TRPC5: variants seen among roughly 807,000 people sequenced by gnomAD.
TRPC5 encodes transient receptor potential cation channel subfamily C member 5, also known as short transient receptor potential channel 5.
Under a neutral mutation model 56.5 loss-of-function variants are expected in TRPC5, and 9 were observed. The ratio of observed to expected loss-of-function variants is 0.16; its 90% CI spans 0.10 to 0.28. TRPC5 has a LOEUF of 0.28. Among genes scored for constraint, TRPC5 ranks in the 10% least tolerant of loss-of-function variants. The pLI is 1.00. For synonymous variants in TRPC5, 282 were observed against 278.5 expected (o/e 1.01, Z -0.13); for missense variants, 469 against 748.9 (o/e 0.63, Z 4.36).
chrX:111,866,722 T>G (rs900572637), intron 3 of TRPC5, among the ~76,000 whole-genome samples: 1 of 112,285 alleles, frequency 8.9e-6, no homozygotes, highest in Non-Finnish European at 1.9e-5. Context: ...TTGATTTCAC[T>G]GCAGCAGAGT....
intron 2 of TRPC5, among the ~76,000 whole-genome samples, chrX:111,940,914 G>A (rs758034469): frequency 1.8e-5 from 2 of 111,176 alleles, no homozygotes; most frequent in East Asian, 5.7e-4. Flanking sequence ...ACTGGTCCTG[G>A]TGGGTTTACA....
chrX:112,032,507 A>G (rs1261419991), intron 1 of TRPC5, among the ~76,000 whole-genome samples: 1 of 112,480 alleles, frequency 8.9e-6, no homozygotes, highest in African/African-American at 3.2e-5. Context: ...GACTTTGTTT[A>G]TCCATACATA....
intron 1 of TRPC5, among the ~76,000 whole-genome samples, chrX:112,028,499 C>T (rs1261168612): frequency 9.0e-6 from 1 of 111,390 alleles, no homozygotes; most frequent in African/African-American, 3.3e-5. Context: ...TTGTTCAACT[C>T]CCACCTGTGA....
Position 111,769,232 on chromosome X carries a change from A to G in TRPC5, c.*7081T>C, listed in dbSNP as rs138251381. On this transcript the variant is annotated 3_prime_UTR_variant, in exon 11 of 11. Coordinates refer to ENST00000262839, the MANE Select transcript of TRPC5 (RefSeq NM_012471.3). ...GTCACCAGAGCCTCTGTGCTATACA[A>G]TGTCATTTCTTAAGGATCAAATAAG... Among the ~76,000 whole-genome samples, 1,606 of 111,567 alleles carry G rather than the reference A, an allele frequency of 0.014. 13 individuals carry two copies. Among genetic ancestry groups the G allele is most frequent in the Non-Finnish European group, 0.021 (1,094 of 53,013 alleles).
At chrX:111,970,002 C>T (rs984281724) in intron 1 of TRPC5, among the ~76,000 whole-genome samples, 1 of 110,536 alleles carries the variant, frequency 9.0e-6, no homozygotes, top group Non-Finnish European at 1.9e-5. Context: ...ATGGAGAAGA[C>T]GAGAATTTTA....
chrX:111,924,899 T>C (rs1488695997), intron 2 of TRPC5, among the ~76,000 whole-genome samples: 1 of 112,220 alleles, frequency 8.9e-6, no homozygotes, highest in Non-Finnish European at 1.9e-5. Flanking sequence ...GAAATAAACA[T>C]TAAAGGGTCC....
At chrX:112,020,063 G>C (rs1200139553) in intron 1 of TRPC5, among the ~76,000 whole-genome samples, 1 of 111,500 alleles carries the variant, frequency 9.0e-6, no homozygotes, top group Non-Finnish European at 1.9e-5. Flanking sequence ...GAATATACTA[G>C]GTTTTTCTCT....
chrX:111,904,626 C>T (rs1403500212), intron 3 of TRPC5, among the ~76,000 whole-genome samples: 3 of 110,349 alleles, frequency 2.7e-5, no homozygotes, highest in Non-Finnish European at 5.7e-5. Flanking sequence ...CACGCTGGGG[C>T]CTGTTGGGGG....
chrX:111,806,791 A>G (rs1012830195), intron 7 of TRPC5, among the ~76,000 whole-genome samples: 3 of 109,974 alleles, frequency 2.7e-5, no homozygotes, highest in Non-Finnish European at 5.7e-5. Context: ...TTTATCTGGG[A>G]CAATCTTTAC....
At chrX:112,038,891 C>T (rs377671260) in intron 1 of TRPC5, among the ~76,000 whole-genome samples, 2 of 104,691 alleles carry the variant, frequency 1.9e-5, no homozygotes, top group African/African-American at 3.5e-5. Context: ...GGAGTTTCAC[C>T]GTGTTAGCCA....
intron 1 of TRPC5, among the ~76,000 whole-genome samples, chrX:112,026,928 A>G (rs766191494): frequency 3.0e-4 from 33 of 109,011 alleles, no homozygotes; most frequent in Non-Finnish European, 3.8e-4. Flanking sequence ...AAGAAGAAGA[A>G]AAAGAAAGAA....
intron 1 of TRPC5, among the ~76,000 whole-genome samples, chrX:112,072,131 G>A (rs1262674618): frequency 8.9e-6 from 1 of 111,915 alleles, no homozygotes; most frequent in Non-Finnish European, 1.9e-5. Flanking sequence ...GTATGGTAAC[G>A]AGGAGCACGA....
In TRPC5 at chrX:111,952,318, C is replaced by G; in HGVS notation, c.103G>C (p.Ala35Pro). ...CCCTTCTCCACAGCATTGAGGAAGG[C>G]CTTCTCCTCTGCAGAGAGCTCTGTC... The part of the protein sequence containing the change: ...AETELSAEEK[A>P]FLNAVEKGDY... Residue 35 changes from alanine to proline, a missense_variant, in exon 2 of 11, where the codon GCC becomes CCC. Around this residue, in one of 3 missense-constraint regions of TRPC5, gnomAD observed 118 missense variants for 167.1 expected, o/e 0.71. Transcript: ENST00000262839. 8.3e-7 allele frequency: 1 copy of G among 1,212,086 alleles called. No homozygotes were observed.
intron 3 of TRPC5, among the ~76,000 whole-genome samples, 163 bp downstream of exon 3, chrX:111,912,128 A>G (rs1469442674): frequency 3.6e-5 from 4 of 111,965 alleles, no homozygotes; most frequent in Non-Finnish European, 7.5e-5. Flanking sequence ...AAGAAAATAC[A>G]AAAAGGTTGT....
At position 112,016,378 on chromosome X, in the gene TRPC5, TG is replaced by T. The variant is rs758362149; in HGVS notation, c.-21-63938del. Among the ~76,000 whole-genome samples the T allele has an allele frequency of 1.0e-2, 1,102 of 110,531 alleles. 14 individuals carry two copies. The highest frequency in any genetic ancestry group is 0.034 in the African/African-American group (1,019 of 30,362). On this transcript the variant is annotated intron_variant, in intron 1 of 10. Transcript: ENST00000262839. ...AGGTTGGAGTGTGTGTGTGTGTGTG[TG>T]TGTGTGTGTATCTCAAGGAGAGACT...
chrX:111,824,005 C>T (rs1185765122), intron 7 of TRPC5, among the ~76,000 whole-genome samples: 2 of 110,361 alleles, frequency 1.8e-5, no homozygotes, highest in African/African-American at 3.3e-5. Flanking sequence ...ATGGGGAGGT[C>T]GGATCGCTTG....
chrX:112,052,467 AT>A (rs778407068), intron 1 of TRPC5, among the ~76,000 whole-genome samples: 28 of 110,806 alleles, frequency 2.5e-4, no homozygotes, highest in African/African-American at 8.5e-4. Flanking sequence ...TTTAAAATTG[AT>A]TTTTTTGGGG....
chrX:111,972,532 T>G (rs1261745554), intron 1 of TRPC5, among the ~76,000 whole-genome samples: 1 of 112,263 alleles, frequency 8.9e-6, no homozygotes, highest in Non-Finnish European at 1.9e-5. Context: ...GTCAGCATTG[T>G]TCTGCCCCTG....
rs766016394 is a variant in TRPC5, at chrX:112,050,537, C to T, written c.-22+31342G>A. Among the ~76,000 whole-genome samples, 5 of 112,287 alleles carry T rather than the reference C, an allele frequency of 4.5e-5. 1 individual carries two copies. In the Admixed American group the frequency reaches 4.7e-4, roughly 11 times the overall value. On this transcript the variant is annotated intron_variant, in intron 1 of 10. Transcript: ENST00000262839. Reference sequence around the variant, plus strand: ...CTTGTGCACATCTTGCTAACCTACTCTTCAGTAAGAAAATCATTGGAGTCA... The same window carrying T: ...CTTGTGCACATCTTGCTAACCTACTTTTCAGTAAGAAAATCATTGGAGTCA...
Sources: gnomAD v4.1 joint callset for allele counts (sites outside exome capture counted in the v4.1 genomes callset) on GRCh38, gnomAD v4.1.1 for gene constraint, gnomAD v4.1.1 regional missense constraint, MANE v1.5 for transcripts, NCBI Gene and HGNC (gene_info 2026-07-23, HGNC 2026-07-21) for gene names.